GMEB2: variants seen among roughly 807,000 people sequenced by gnomAD.
GMEB2 encodes glucocorticoid modulatory element binding protein 2.
Under a neutral mutation model 45.7 loss-of-function variants are expected in GMEB2, and 7 were observed. That is an observed-to-expected ratio of 0.15 (90% CI 0.09 to 0.29). The LOEUF (loss-of-function observed/expected upper bound fraction) is 0.29, where lower values mean the gene tolerates loss of function less well. Ranked by LOEUF, GMEB2 falls within the 10% of genes least tolerant of loss-of-function variation. GMEB2 has a pLI of 1.00. For synonymous variants in GMEB2, 322 were observed against 323.6 expected, an observed-to-expected ratio of 1.00 and a Z score of 0.05; for missense variants, 582 against 739.2, an observed-to-expected ratio of 0.79 and a Z score of 2.47.
rs372142604 is a variant in GMEB2, at chr20:63,616,134, AAAATGGC to A, written c.131+3126_131+3132del. ...TTAAAGGCTGTACAAACTTCCTGAT[AAAATGGC>A]AAATTAGACACACACATGTGGGCCG... On this transcript the variant is annotated intron_variant, in intron 2 of 9. Transcript: ENST00000370077. Among the ~76,000 whole-genome samples, 123 of 152,378 alleles carry A rather than the reference AAAATGGC, an allele frequency of 8.1e-4. 2 individuals carry two copies. In the Middle Eastern group the frequency reaches 0.02, roughly 25 times the overall value.
rs899619624 is a variant in GMEB2 at position 63,593,707 on chromosome 20, T to C, written c.620-625A>G. Among the ~76,000 whole-genome samples, 1 of 152,134 alleles carries C rather than the reference T, an allele frequency of 6.6e-6. No homozygotes were observed. Among genetic ancestry groups the C allele is most frequent in the Non-Finnish European group, 1.5e-5 (1 of 68,022 alleles). ...TTTTGGGCGTTGCTGATAGAGACTT[T>C]ATACACAGATCTGGCTTAAAAAACA... On this transcript the variant is annotated intron_variant, in intron 6 of 9. Transcript: ENST00000370077. This position sits in a 1 kb window ranked among gnomAD's most constrained non-coding sequence, Gnocchi z 4.7.
Position 63,590,232 on chromosome 20 carries a change from C to G in GMEB2, c.1450G>C (p.Gly484Arg). Residue 484 changes from glycine to arginine, a missense_variant, in exon 10 of 10, where the codon GGC (glycine) becomes CGC (arginine). Physicochemically the swap from Gly to Arg is moderately radical, Grantham distance 125 (BLOSUM62 -2). Around this residue, in one of 3 missense-constraint regions of GMEB2, gnomAD observed 462 missense variants for 586.7 expected, o/e 0.79. Transcript: ENST00000370077. The stretch of plus-strand genomic sequence containing the variant: ...TGGGCCACGTTCTGCAGGGTGGGGC[C>G]CAGGCCAGGCAACGTGAGCAGCTGT... Reference protein sequence around the residue: ...PLQLLTLPGLGPTLQNVAQAS... With the variant: ...PLQLLTLPGLRPTLQNVAQAS... 1 of 1,611,594 alleles carries G rather than the reference C, an allele frequency of 6.2e-7. No individual in the cohort carries two copies. The highest frequency in any genetic ancestry group is 8.5e-7 in the Non-Finnish European group (1 of 1,179,672).
At chr20:63,612,497 C>A (rs2089578220) in intron 2 of GMEB2, among the ~76,000 whole-genome samples, 1 of 152,186 alleles carries the variant, frequency 6.6e-6, no homozygotes, top group African/African-American at 2.4e-5. Flanking sequence ...CAGGAAAAGG[C>A]GGGAGGCGGA....
intron 1 of GMEB2, among the ~76,000 whole-genome samples, chr20:63,622,512 G>A (rs996472926): frequency 1.3e-5 from 2 of 152,166 alleles, no homozygotes; most frequent in Non-Finnish European, 2.9e-5. Context: ...GAGGAAGTCC[G>A]CAAGAGAACA....
At chr20:63,599,982 T>C (rs1009525115) in intron 4 of GMEB2, among the ~76,000 whole-genome samples, 3 of 152,154 alleles carry the variant, frequency 2.0e-5, no homozygotes, top group African/African-American at 7.2e-5. Context: ...TACATTATTC[T>C]CTAATCCATT....
chr20:63,613,162 A>G (rs1486433630), intron 2 of GMEB2, among the ~76,000 whole-genome samples: 4 of 152,208 alleles, frequency 2.6e-5, no homozygotes, highest in Admixed American at 2.6e-4. Flanking sequence ...AATCATAAAC[A>G]GAGCAAGCAA....
In GMEB2 at chr20:63,593,490, G is replaced by T. The variant is rs760856699; in HGVS notation, c.620-408C>A. ...CTGCGGCTGCGTCTGTCGCCCGTGG[G>T]GCTCGCCCTCACCTCGCCTCTTCAA... is the stretch of plus-strand genomic sequence containing the variant. On this transcript the variant is annotated intron_variant, in intron 6 of 9. Transcript: ENST00000370077. The surrounding 1 kb of genome is among the most constrained non-coding windows in gnomAD (Gnocchi z 4.7). Among the ~76,000 whole-genome samples the T allele has an allele frequency of 2.6e-5, 4 of 151,572 alleles. No individual in the cohort carries two copies. The highest frequency in any genetic ancestry group is 5.9e-5 in the Non-Finnish European group (4 of 67,988).
In GMEB2 at chr20:63,619,122, TACAC is replaced by T; in HGVS notation, c.131+141_131+144del. On this transcript the variant is annotated intron_variant, in intron 2 of 9. Coordinates refer to ENST00000370077, the MANE Select transcript of GMEB2 (RefSeq NM_012384.5). The surrounding 1 kb of genome is among the most constrained non-coding windows in gnomAD (Gnocchi z 4.6). ...TTTCTGCTTTTCTTCGCTCTCTACTTACACACACATTTGAGTCCAGTCTCAGAAG... is the reference window on the plus strand; with the variant it reads ...TTTCTGCTTTTCTTCGCTCTCTACTTACACATTTGAGTCCAGTCTCAGAAG... 1 of 754,986 alleles carries T rather than the reference TACAC, an allele frequency of 1.3e-6. No individual in the cohort carries two copies. The allele number at this position is 754,986 out of a possible 1,614,324, so 46.8% of individuals were successfully genotyped here. A position where few individuals can be genotyped will look rare whatever the true frequency, so the allele number is the denominator to read the frequency against.
chr20:63,621,981 G>T (rs535343397), intron 1 of GMEB2, among the ~76,000 whole-genome samples: 2 of 151,856 alleles, frequency 1.3e-5, no homozygotes, highest in South Asian at 4.2e-4. Flanking sequence ...ATAAAAAATA[G>T]CCAGGCATGG....
chr20:63,590,068 G>C lies in GMEB2; in HGVS notation c.*21C>G. ...GAGACAGCCAGCCCTGTCCGTCCCA[G>C]GGGCCTCGCCCTCCTGTCGGCTACT... On this transcript the variant is annotated 3_prime_UTR_variant, in exon 10 of 10. Transcript: ENST00000370077. 1 of 1,494,302 alleles carries C rather than the reference G, an allele frequency of 6.7e-7. No homozygotes were observed. Among genetic ancestry groups the C allele is most frequent in the Non-Finnish European group, 8.9e-7 (1 of 1,124,826 alleles). 92.6% of individuals were successfully genotyped at this position (1,494,302 alleles called of 1,614,324 possible).
chr20:63,623,170 G>A (rs1164807684), intron 1 of GMEB2, among the ~76,000 whole-genome samples: 2 of 152,078 alleles, frequency 1.3e-5, no homozygotes, highest in Non-Finnish European at 2.9e-5. Context: ...GTTTAAATGA[G>A]GAAAAAAAAT....
chr20:63,626,392 C>T (rs1212675512), intron 1 of GMEB2, among the ~76,000 whole-genome samples: 2 of 52,434 alleles, frequency 3.8e-5, no homozygotes, highest in African/African-American at 6.1e-5. Context: ...TGCGGGGTGG[C>T]CCCTGGGGAT....
In GMEB2 at chr20:63,590,054, C is replaced by T. The variant is rs781716427; in HGVS notation, c.*35G>A. The T allele has an allele frequency of 6.7e-7, 1 of 1,487,360 alleles. No individual in the cohort carries two copies. 92.1% of individuals were successfully genotyped at this position (1,487,360 alleles called of 1,614,324 possible). A position where few individuals can be genotyped will look rare whatever the true frequency, so the allele number is the denominator to read the frequency against. On this transcript the variant is annotated 3_prime_UTR_variant, in exon 10 of 10. Coordinates refer to ENST00000370077, the MANE Select transcript of GMEB2 (RefSeq NM_012384.5). ...GCTGCCGCGGCTGAGAGACAGCCAG[C>T]CCTGTCCGTCCCAGGGGCCTCGCCC...
chr20:63,604,741 A>G lies in GMEB2; in HGVS notation c.229+2T>C, dbSNP rs2089504856. ...GACTTCCCACCTAGGACGGCTTCCTACCTAACACGGCTTCCTTGAGCTGGG... is the reference window on the plus strand; with the variant it reads ...GACTTCCCACCTAGGACGGCTTCCTGCCTAACACGGCTTCCTTGAGCTGGG... On this transcript the variant is annotated splice_donor_variant, in intron 3 of 9. Transcript: ENST00000370077. LOFTEE classifies it high-confidence loss of function. The G allele has an allele frequency of 6.3e-7, 1 of 1,576,674 alleles. No homozygotes were observed. Among genetic ancestry groups the G allele is most frequent in the African/African-American group, 1.3e-5 (1 of 74,252 alleles).
At chr20:63,595,001 C>A (rs1467139113) in intron 6 of GMEB2, among the ~76,000 whole-genome samples, 1 of 152,200 alleles carries the variant, frequency 6.6e-6, no homozygotes, top group Non-Finnish European at 1.5e-5. Context: ...TCCCAAAGTG[C>A]TGGGGTTACA....
chr20:63,595,316 C>T (rs1327441737), intron 6 of GMEB2, among the ~76,000 whole-genome samples: 1 of 152,122 alleles, frequency 6.6e-6, no homozygotes, highest in African/African-American at 2.4e-5. Context: ...CGCCCAGGCA[C>T]TCTCTGTTAC....
intron 2 of GMEB2, among the ~76,000 whole-genome samples, chr20:63,615,570 C>A (rs532063741): frequency 6.6e-6 from 1 of 152,282 alleles, no homozygotes; most frequent in East Asian, 1.9e-4. Flanking sequence ...AAGCAACCCT[C>A]CCACCTCAGC....
chr20:63,605,299 G>A (rs1202112090), intron 2 of GMEB2, among the ~76,000 whole-genome samples: 6 of 152,026 alleles, frequency 3.9e-5, no homozygotes, highest in Non-Finnish European at 7.4e-5. Flanking sequence ...TTGGGAGGCC[G>A]AGGCAGGTGA....
intron 1 of GMEB2, among the ~76,000 whole-genome samples, chr20:63,625,747 A>G (rs1485744375): frequency 6.6e-6 from 1 of 151,620 alleles, no homozygotes; most frequent in Non-Finnish European, 1.5e-5. Context: ...ACAAGTGCAC[A>G]CCACCACGCC....
Sources: gnomAD v4.1 joint callset for allele counts (sites outside exome capture counted in the v4.1 genomes callset) on GRCh38, gnomAD v4.1.1 for gene constraint, gnomAD v4.1.1 regional missense constraint, Gnocchi (gnomAD v3.1) non-coding constraint, MANE v1.5 for transcripts, NCBI Gene and HGNC (gene_info 2026-07-23, HGNC 2026-07-21) for gene names.